IL11RA: variants seen among roughly 807,000 people sequenced by gnomAD.
IL11RA encodes interleukin 11 receptor subunit alpha, also known as interleukin-11 receptor subunit alpha.
Under a neutral mutation model 57.0 loss-of-function variants are expected in IL11RA, and 51 were observed. The observed-to-expected ratio is 0.89, with a 90% confidence interval of 0.71 to 1.13. IL11RA has a LOEUF of 1.13. Ranked by LOEUF, IL11RA falls within the 50% of genes most tolerant of loss-of-function variation. The probability of loss-of-function intolerance (pLI) is 0.00; values close to 1 mark genes in which losing one functional copy is unlikely to be tolerated. For synonymous variants in IL11RA, 199 were observed against 217.5 expected, an observed-to-expected ratio of 0.91 and a Z score of 0.75; for missense variants, 498 against 539.4, an observed-to-expected ratio of 0.92 and a Z score of 0.76.
Position 34,657,426 on chromosome 9 carries a change from G to A in IL11RA, c.485G>A (p.Ser162Asn), listed in dbSNP as rs777155848. Residue 162 changes from serine to asparagine, a missense_variant, in exon 7 of 13, where the codon AGT (serine) becomes AAT (asparagine). Coordinates refer to ENST00000441545, the MANE Select transcript of IL11RA (RefSeq NM_001142784.3). ...GACCACATCCTCCCTTCTAGGAGGA[G>A]TCCATCCACAGGGCCCTGGCCATGC... ...TVLGADSQRR[S>N]PSTGPWPCPQ... 3.7e-6 allele frequency: 6 copies of A among 1,614,048 alleles called. No homozygotes were observed. Among genetic ancestry groups the A allele is most frequent in the Middle Eastern group, 1.6e-4 (1 of 6,084 alleles).
intron 3 of IL11RA, 105 bp from the exon 4 acceptor site, chr9:34,656,634 G>A: frequency 7.7e-7 from 1 of 1,299,256 alleles, no homozygotes; most frequent in Admixed American, 1.7e-5. Flanking sequence ...AAAGGAATTT[G>A]GGTTCTATTG....
chr9:34,655,693 G>C (rs1821331181), intron 3 of IL11RA, 28 bp downstream of exon 3: 3 of 1,600,564 alleles, frequency 1.9e-6, no homozygotes, highest in Non-Finnish European at 2.6e-6. Context: ...CTGTTGGTCT[G>C]ACACTCATGA....
Position 34,661,516 on chromosome 9 carries a change from C to G in IL11RA, c.*18C>G. The G allele has an allele frequency of 6.2e-7, 1 of 1,613,214 alleles. No individual in the cohort carries two copies. The highest frequency in any genetic ancestry group is 1.1e-5 in the South Asian group (1 of 91,072). On this transcript the variant is annotated 3_prime_UTR_variant, in exon 13 of 13. Transcript: ENST00000441545. Reference sequence around the variant, plus strand: ...ACCTGTAGAGGACCCAGGAGGGCTTCGGCAGATTCCACCTATAATTCTGTC... The same window carrying G: ...ACCTGTAGAGGACCCAGGAGGGCTTGGGCAGATTCCACCTATAATTCTGTC...
At chr9:34,656,181 G>A (rs2812361) in intron 3 of IL11RA, among the ~76,000 whole-genome samples, 2 of 152,002 alleles carry the variant, frequency 1.3e-5, no homozygotes, top group Non-Finnish European at 2.9e-5. Flanking sequence ...ACAGGTATGC[G>A]CCACCAGGCC....
At chr9:34,656,938 CAT>C in intron 4 of IL11RA, 30 bp downstream of exon 4, 1 of 1,613,550 alleles carries the variant, frequency 6.2e-7, no homozygotes, top group Non-Finnish European at 8.5e-7. Context: ...ACTGATGACA[CAT>C]AGGGATCCTG....
At chr9:34,652,625 G>A (rs554964930) in intron 1 of IL11RA, among the ~76,000 whole-genome samples, 1 of 152,176 alleles carries the variant, frequency 6.6e-6, no homozygotes, top group Admixed American at 6.5e-5. Flanking sequence ...GGCTGGCTTT[G>A]TGTGTGCCAA....
intron 3 of IL11RA, 196 bp downstream of exon 3, chr9:34,655,861 C>G: frequency 1.6e-6 from 1 of 644,022 alleles, no homozygotes; most frequent in Admixed American, 2.1e-5. Context: ...AGTGCCAGGT[C>G]TATTCTAGGC....
chr9:34,657,357 G>T (rs990584599), intron 6 of IL11RA, 22 bp downstream of exon 6: 5 of 1,613,990 alleles, frequency 3.1e-6, no homozygotes, highest in East Asian at 4.5e-5. Context: ...GGGAGCATGT[G>T]GGGGCTCCAG....
intron 9 of IL11RA, 83 bp from the exon 10 acceptor site, chr9:34,660,191 A>G (rs1821425364): frequency 1.2e-6 from 2 of 1,603,252 alleles, no homozygotes; most frequent in South Asian, 1.1e-5. Context: ...TTGACTTCCA[A>G]CCTAGGCCTT....
Position 34,659,811 on chromosome 9 carries a change from C to G in IL11RA, c.863C>G (p.Pro288Arg), listed in dbSNP as rs1783005788. Residue 288 changes from proline to arginine, a missense_variant, in exon 9 of 13, where the codon CCC (proline) becomes CGC (arginine). Physicochemically the swap from Pro to Arg is moderately radical, Grantham distance 103. Transcript: ENST00000441545. ...EVITDAVAGL[P>R]HAVRVSARDF... ...ATCACAGATGCTGTGGCTGGGCTGC[C>G]CCATGCTGTACGAGTCAGTGCCCGG... 8 of 1,614,194 alleles carry G rather than the reference C, an allele frequency of 5.0e-6. No individual in the cohort carries two copies. Among genetic ancestry groups the G allele is most frequent in the Non-Finnish European group, 6.8e-6 (8 of 1,180,034 alleles).
In IL11RA at chr9:34,660,945, G is replaced by GCC; in HGVS notation, c.1252+9_1252+10insCC. 6.2e-7 allele frequency: 1 copy of GCC among 1,607,860 alleles called. No individual in the cohort carries two copies. Among genetic ancestry groups the GCC allele is most frequent in the Non-Finnish European group, 8.5e-7 (1 of 1,174,800 alleles). ...AGTGGACAGGCGTCCAGGTGAGTAGGACATCCAGAAGATTTGGACTTGGAG... is the reference window on the plus strand; with the variant it reads ...AGTGGACAGGCGTCCAGGTGAGTAGGCCACATCCAGAAGATTTGGACTTGGAG... On this transcript the variant is annotated intron_variant, in intron 12 of 12. Coordinates refer to ENST00000441545, the MANE Select transcript of IL11RA (RefSeq NM_001142784.3).
In IL11RA at chr9:34,658,757, T is replaced by C; in HGVS notation, c.810+74T>C. The C allele has an allele frequency of 1.3e-6, 2 of 1,541,460 alleles. No homozygotes were observed. Among genetic ancestry groups the C allele is most frequent in the Admixed American group, 1.7e-5 (1 of 59,862 alleles). ...ATTTCACGATCCTGGGTGTTCTGTA[T>C]AGCTTTCCAGTGCTGGCAGGTCACT... On this transcript the variant is annotated intron_variant, in intron 8 of 12. Coordinates refer to ENST00000441545, the MANE Select transcript of IL11RA (RefSeq NM_001142784.3). The surrounding 1 kb of genome is among the most constrained non-coding windows in gnomAD (Gnocchi z 4.0).
At chr9:34,657,751 A>G (rs1587247295) in intron 7 of IL11RA, among the ~76,000 whole-genome samples, 164 bp downstream of exon 7, 1 of 152,168 alleles carries the variant, frequency 6.6e-6, no homozygotes, top group East Asian at 1.9e-4. Context: ...AGAGCCCAGG[A>G]GGCATGGTTA....
chr9:34,659,620 C>T (rs1404980308), intron 8 of IL11RA, 139 bp from the exon 9 acceptor site: 6 of 1,026,634 alleles, frequency 5.8e-6, no homozygotes, highest in African/African-American at 1.6e-5. Flanking sequence ...CTCAGCTCCA[C>T]CAGACACCCA....
At position 34,653,341 on chromosome 9, in the gene IL11RA, G is replaced by A. The variant is rs1003217063; in HGVS notation, c.-1+1108G>A. Among the ~76,000 whole-genome samples the A allele has an allele frequency of 1.3e-5, 2 of 152,186 alleles. No individual in the cohort carries two copies. The highest frequency in any genetic ancestry group is 4.8e-5 in the African/African-American group (2 of 41,436). ...GTCTGAGGGTAACTGTGGGTCTTGT[G>A]TATCTGGCACCAAGGGACCAAAGGC... On this transcript the variant is annotated intron_variant, in intron 1 of 12. Transcript: ENST00000441545. The surrounding 1 kb of genome is among the most constrained non-coding windows in gnomAD (Gnocchi z 4.5).
intron 1 of IL11RA, 31 bp from the exon 2 acceptor site, chr9:34,655,187 C>G (rs2812356): frequency 2.7e-6 from 4 of 1,483,822 alleles, no homozygotes; most frequent in African/African-American, 2.8e-5. Context: ...TCTCAGGGGT[C>G]GGGGATTTTT....
chr9:34,655,888 G>A (rs909199944), intron 3 of IL11RA: 13 of 602,194 alleles, frequency 2.2e-5, no homozygotes, highest in Non-Finnish European at 4.0e-5. Flanking sequence ...ATACAGCAGT[G>A]CTAATGCCAG....
At chr9:34,661,423 GT>G in intron 12 of IL11RA, 58 bp from the exon 13 acceptor site, 1 of 1,593,618 alleles carries the variant, frequency 6.3e-7, no homozygotes, top group Non-Finnish European at 8.6e-7. Flanking sequence ...CATTCTCAGG[GT>G]GTCTGGGCCA....
At chr9:34,652,889 G>A (rs1185441661) in intron 1 of IL11RA, among the ~76,000 whole-genome samples, 3 of 152,086 alleles carry the variant, frequency 2.0e-5, no homozygotes. Context: ...CTGTTTCCCT[G>A]CTTGGCTCAG....
Sources: gnomAD v4.1 joint callset for allele counts (sites outside exome capture counted in the v4.1 genomes callset) on GRCh38, gnomAD v4.1.1 for gene constraint, Gnocchi (gnomAD v3.1) non-coding constraint, MANE v1.5 for transcripts, NCBI Gene and HGNC (gene_info 2026-07-23, HGNC 2026-07-21) for gene names.